Variants in FAM162A observed in about 807,000 individuals in gnomAD.
The protein encoded by FAM162A is family with sequence similarity 162 member A, also known as protein FAM162A.
FAM162A carries 23 observed loss-of-function variants against 21.8 expected under a neutral mutation model. That is an observed-to-expected ratio of 1.05 (90% CI 0.76 to 1.49). The LOEUF (loss-of-function observed/expected upper bound fraction) is 1.49, where lower values mean the gene tolerates loss of function less well. Ranked by LOEUF, FAM162A falls within the 40% of genes most tolerant of loss-of-function variation. FAM162A has a pLI of 0.00. For missense variants in FAM162A, 165 were observed against 186.4 expected, an observed-to-expected ratio of 0.89 and a Z score of 0.67; for synonymous variants, 53 against 61.3, an observed-to-expected ratio of 0.86 and a Z score of 0.64.
intron 3 of FAM162A, among the ~76,000 whole-genome samples, chr3:122,405,135 T>C (rs2075671303): frequency 6.6e-6 from 1 of 152,194 alleles, no homozygotes; most frequent in Non-Finnish European, 1.5e-5. Context: ...CCTGACTGGC[T>C]GGCATCTTGG....
intron 1 of FAM162A, among the ~76,000 whole-genome samples, chr3:122,389,852 G>C (rs2075592827): frequency 6.6e-6 from 1 of 152,094 alleles, no homozygotes; most frequent in Non-Finnish European, 1.5e-5. Flanking sequence ...CAAATTTTCT[G>C]TAATGAGCAA....
chr3:122,386,571 AAAAG>A (rs2075575611), intron 1 of FAM162A, among the ~76,000 whole-genome samples: 1 of 96,282 alleles, frequency 1.0e-5, no homozygotes, highest in Non-Finnish European at 2.1e-5. Context: ...AAAAAAAAAA[AAAAG>A]AAAAGAAGCA....
intron 4 of FAM162A, among the ~76,000 whole-genome samples, chr3:122,409,034 A>G (rs1453635645): frequency 8.3e-6 from 1 of 121,182 alleles, no homozygotes; most frequent in Non-Finnish European, 1.7e-5. Context: ...CCCCCGCCAC[A>G]TACCCAATTC....
intron 1 of FAM162A, among the ~76,000 whole-genome samples, chr3:122,391,885 A>G (rs1470130712): frequency 6.6e-6 from 1 of 152,236 alleles, no homozygotes; most frequent in Non-Finnish European, 1.5e-5. Flanking sequence ...AGCCCATTCC[A>G]AACACATACT....
chr3:122,389,421 AGATAGATAGATAGATG>A (rs1336440338), intron 1 of FAM162A, among the ~76,000 whole-genome samples: 2 of 147,948 alleles, frequency 1.4e-5, no homozygotes, highest in African/African-American at 5.0e-5. Context: ...ATAGATAGAT[AGATAGATAGATAGATG>A]AGATAGATAG....
rs1214982800 is a variant in FAM162A at position 122,411,791 on chromosome 3, G to C, written c.*1960G>C. The C allele has an allele frequency of 2.0e-5, 3 of 152,160 alleles. No homozygotes were observed. The East Asian group carries it at 5.8e-4, about 29-fold the overall frequency. 9.4% of individuals were successfully genotyped at this position (152,160 alleles called of 1,614,324 possible). A position where few individuals can be genotyped will look rare whatever the true frequency, so the allele number is the denominator to read the frequency against. On this transcript the variant is annotated 3_prime_UTR_variant, in exon 5 of 5. Transcript: ENST00000477892. ...GCTGGTCTCAAACTCCTGACCTCAGGTGATCAGCCTCCCTCGGCCTCCCAA... is the reference window on the plus strand; with the variant it reads ...GCTGGTCTCAAACTCCTGACCTCAGCTGATCAGCCTCCCTCGGCCTCCCAA...
At chr3:122,405,467 C>CA (rs1372338339) in intron 3 of FAM162A, among the ~76,000 whole-genome samples, 1 of 152,204 alleles carries the variant, frequency 6.6e-6, no homozygotes, top group Non-Finnish European at 1.5e-5. Flanking sequence ...TAGCTCAAGT[C>CA]ATGTATTCTT....
rs527811166 is a variant in FAM162A at position 122,391,899 on chromosome 3, T to C, written c.34+7600T>C. Among the ~76,000 whole-genome samples, 9 of 152,368 alleles carry C rather than the reference T, an allele frequency of 5.9e-5. No homozygotes were observed. The East Asian group carries it at 1.7e-3, about 29-fold the overall frequency. The stretch of plus-strand genomic sequence containing the variant: ...CAGCCCATTCCAAACACATACTTCA[T>C]GTCCCCATTGTTTATTTTTTTCTCT... On this transcript the variant is annotated intron_variant, in intron 1 of 4. Coordinates refer to ENST00000477892, the MANE Select transcript of FAM162A (RefSeq NM_014367.4).
intron 3 of FAM162A, 86 bp from the exon 4 acceptor site, chr3:122,407,195 T>G (rs553459584): frequency 8.3e-6 from 9 of 1,081,846 alleles, no homozygotes; most frequent in African/African-American, 3.2e-5. Flanking sequence ...TACTACATTT[T>G]GAATTTATAC....
rs368095194 is a variant in FAM162A at position 122,402,878 on chromosome 3, A to G, written c.153A>G (p.Pro51=). The G allele has an allele frequency of 8.2e-6, 13 of 1,587,516 alleles. No individual in the cohort carries two copies. The African/African-American group carries it at 1.8e-4, about 22-fold the overall frequency. The change falls in exon 2 of 5, where the codon CCA becomes CCG. Residue 51 remains proline (P), a synonymous_variant. Transcript: ENST00000477892. ...AACCACAGGAAAGTCCCGGAGCTCCATCCCGTAAGTTTTTATTTTTTCTAT... is the reference window on the plus strand; with the variant it reads ...AACCACAGGAAAGTCCCGGAGCTCCGTCCCGTAAGTTTTTATTTTTTCTAT... ...CTKPQESPGA[P]SRTYNRVPLH...
chr3:122,388,873 C>A (rs1292999791), intron 1 of FAM162A, among the ~76,000 whole-genome samples: 1 of 152,046 alleles, frequency 6.6e-6, no homozygotes, highest in African/African-American at 2.4e-5. Flanking sequence ...CACGGTGAAA[C>A]CCTGTCTCTA....
chr3:122,408,431 C>T (rs554493597), intron 4 of FAM162A, among the ~76,000 whole-genome samples: 212 of 152,280 alleles, frequency 1.4e-3, no homozygotes, highest in Non-Finnish European at 2.6e-3. Flanking sequence ...TAAAAAGGTC[C>T]TTCTATACAC....
At chr3:122,388,822 G>T (rs2075586297) in intron 1 of FAM162A, among the ~76,000 whole-genome samples, 1 of 152,148 alleles carries the variant, frequency 6.6e-6, no homozygotes, top group Admixed American at 6.5e-5. Flanking sequence ...GGCCGAGGTG[G>T]GCGGATCACG....
At chr3:122,390,875 T>C (rs2075601327) in intron 1 of FAM162A, among the ~76,000 whole-genome samples, 1 of 152,178 alleles carries the variant, frequency 6.6e-6, no homozygotes, top group South Asian at 2.1e-4. Flanking sequence ...GCTGTGAGGC[T>C]TCATCTTAAC....
intron 1 of FAM162A, among the ~76,000 whole-genome samples, chr3:122,393,277 C>A (rs886349736): frequency 2.0e-5 from 3 of 151,726 alleles, no homozygotes; most frequent in Non-Finnish European, 4.4e-5. Context: ...ATAACACTGC[C>A]AGAAGTTGGC....
chr3:122,394,796 A>G (rs2075619942), intron 1 of FAM162A, among the ~76,000 whole-genome samples: 2 of 152,160 alleles, frequency 1.3e-5, no homozygotes. Flanking sequence ...ATGAGGCCAC[A>G]TTATCCTCAT....
chr3:122,388,815 C>T (rs758710791), intron 1 of FAM162A, among the ~76,000 whole-genome samples: 12 of 152,040 alleles, frequency 7.9e-5, no homozygotes, highest in Non-Finnish European at 1.5e-4. Context: ...TTTGGGAGGC[C>T]GAGGTGGGCG....
chr3:122,394,138 C>T (rs1453331404), intron 1 of FAM162A, among the ~76,000 whole-genome samples: 1 of 152,118 alleles, frequency 6.6e-6, no homozygotes, highest in Non-Finnish European at 1.5e-5. Context: ...CACTTTTAAA[C>T]GACCAGATCT....
chr3:122,385,519 A>G (rs1161546995), intron 1 of FAM162A, among the ~76,000 whole-genome samples: 1 of 152,246 alleles, frequency 6.6e-6, no homozygotes, highest in Non-Finnish European at 1.5e-5. Context: ...AATGGACTGC[A>G]TGAAAAGAAC....
Sources: allele counts gnomAD v4.1 joint callset (sites outside exome capture counted in the v4.1 genomes callset), GRCh38; gene constraint gnomAD v4.1.1; transcripts MANE v1.5; gene names NCBI Gene and HGNC (gene_info 2026-07-23, HGNC 2026-07-21).